The following ENTHD1 variants were observed in gnomAD, a reference collection of about 807,000 sequenced individuals.
The protein encoded by ENTHD1 is ENTH domain containing 1.
Under a neutral mutation model 39.1 loss-of-function variants are expected in ENTHD1, and 23 were observed. The ratio of observed to expected loss-of-function variants is 0.59; its 90% CI spans 0.42 to 0.83. ENTHD1 has a LOEUF of 0.83. Among genes scored for constraint, ENTHD1 ranks in the 40% least tolerant of loss-of-function variants. The probability of loss-of-function intolerance (pLI) is 0.00; values close to 1 mark genes in which losing one functional copy is unlikely to be tolerated. For missense variants in ENTHD1, 624 were observed against 705.4 expected, an observed-to-expected ratio of 0.88 and a Z score of 1.31; for synonymous variants, 230 against 258.2, an observed-to-expected ratio of 0.89 and a Z score of 1.05.
At chr22:39,881,460 T>C (rs1338743119) in intron 2 of ENTHD1, among the ~76,000 whole-genome samples, 1 of 152,242 alleles carries the variant, frequency 6.6e-6, no homozygotes, top group Non-Finnish European at 1.5e-5. Context: ...AAGTAACTTA[T>C]TATTCTCCGA....
At chr22:39,878,526 A>G (rs1255769663) in intron 2 of ENTHD1, among the ~76,000 whole-genome samples, 2 of 152,014 alleles carry the variant, frequency 1.3e-5, no homozygotes, top group Non-Finnish European at 2.9e-5. Flanking sequence ...GAAAGAAACC[A>G]GAGGCAAAAA....
chr22:39,893,484 A>AC, intron 1 of ENTHD1: 1 of 152,342 alleles, frequency 6.6e-6, no homozygotes, highest in Non-Finnish European at 1.5e-5. Context: ...GGAAGGCTGG[A>AC]CCTCAGGAAA....
intron 2 of ENTHD1, chr22:39,875,762 G>T: frequency 6.2e-7 from 1 of 1,613,300 alleles, no homozygotes; most frequent in South Asian, 1.1e-5. Flanking sequence ...CAAGTTATCC[G>T]ATATTCCAGA....
intron 5 of ENTHD1, among the ~76,000 whole-genome samples, chr22:39,806,436 T>C (rs1045203299): frequency 6.6e-6 from 1 of 152,180 alleles, no homozygotes; most frequent in Non-Finnish European, 1.5e-5. Flanking sequence ...GCTCTTCTTT[T>C]AAAAAGCCAT....
chr22:39,865,455 T>C (rs2066174862), intron 2 of ENTHD1, among the ~76,000 whole-genome samples: 1 of 152,038 alleles, frequency 6.6e-6, no homozygotes, highest in Non-Finnish European at 1.5e-5. Flanking sequence ...GTAATAAACC[T>C]GCTTCAAGGA....
rs747738403 is a variant in ENTHD1, at chr22:39,861,801, ACTT to A, written c.553_555del (p.Lys185del). On this transcript the variant is annotated inframe_deletion, in exon 3 of 7. Coordinates refer to ENST00000325157, the MANE Select transcript of ENTHD1 (RefSeq NM_152512.4). The stretch of plus-strand genomic sequence containing the variant: ...AACCTTCCAAACTTAGGAAGCTTAT[ACTT>A]CTTCTCTGAAGCAGAAATATCCGGT... 4 of 1,582,606 alleles carry A rather than the reference ACTT, an allele frequency of 2.5e-6. No individual in the cohort carries two copies. In the South Asian group the frequency reaches 3.5e-5, roughly 14 times the overall value.
intron 5 of ENTHD1, among the ~76,000 whole-genome samples, chr22:39,769,948 G>C (rs2065308762): frequency 6.6e-6 from 1 of 152,160 alleles, no homozygotes; most frequent in African/African-American, 2.4e-5. Context: ...AAAGTTTTAG[G>C]AATTGGGGAC....
At chr22:39,829,462 T>C (rs780285008) in intron 4 of ENTHD1, among the ~76,000 whole-genome samples, 5 of 152,052 alleles carry the variant, frequency 3.3e-5, no homozygotes, top group African/African-American at 4.8e-5. Context: ...TCAAAAGCCA[T>C]CAGCAGAAAA....
intron 2 of ENTHD1, chr22:39,875,369 C>A: frequency 7.2e-7 from 1 of 1,393,448 alleles, no homozygotes. Flanking sequence ...GGGCGCGCTG[C>A]GGCCCTTGGT....
intron 6 of ENTHD1, among the ~76,000 whole-genome samples, chr22:39,764,450 A>G (rs147370758): frequency 6.6e-5 from 10 of 152,264 alleles, no homozygotes; most frequent in African/African-American, 2.4e-4. Context: ...TTGCAACAGA[A>G]CAAGACCCTG....
chr22:39,836,860 T>C (rs1016942598), intron 3 of ENTHD1, among the ~76,000 whole-genome samples: 3 of 152,196 alleles, frequency 2.0e-5, no homozygotes, highest in African/African-American at 7.2e-5. Flanking sequence ...ACATTCTTGC[T>C]TCCCCTTTGC....
chr22:39,771,680 A>T (rs2065326399), intron 5 of ENTHD1, among the ~76,000 whole-genome samples: 1 of 152,202 alleles, frequency 6.6e-6, no homozygotes, highest in South Asian at 2.1e-4. Context: ...AGGATAGCAG[A>T]ATGACACCAT....
chr22:39,811,652 T>G (rs1438062260), intron 5 of ENTHD1, among the ~76,000 whole-genome samples: 1 of 152,200 alleles, frequency 6.6e-6, no homozygotes, highest in Non-Finnish European at 1.5e-5. Flanking sequence ...TGAAACTGGA[T>G]GTACGCAGTA....
intron 5 of ENTHD1, among the ~76,000 whole-genome samples, chr22:39,803,064 T>G (rs1307566454): frequency 1.3e-5 from 2 of 152,170 alleles, no homozygotes; most frequent in Non-Finnish European, 2.9e-5. Context: ...TAAATACAAA[T>G]CAGATTCTAT....
In ENTHD1 at chr22:39,816,219, T is replaced by C. The variant is rs199828716; in HGVS notation, c.832+4774A>G. Among the ~76,000 whole-genome samples, 7 of 152,308 alleles carry C rather than the reference T, an allele frequency of 4.6e-5. No homozygotes were observed. In the East Asian group the frequency reaches 1.3e-3, roughly 29 times the overall value. On this transcript the variant is annotated intron_variant, in intron 5 of 6. Transcript: ENST00000325157. The stretch of plus-strand genomic sequence containing the variant: ...GTTGCCAAAATCATAACATGGAAAT[T>C]AGAACCATCTGTTGACAGGATAAGT...
rs150993947 is a variant in ENTHD1, at chr22:39,876,138, C to A, written c.349+11262G>T. 8.4e-3 allele frequency: 13,076 copies of A among 1,560,444 alleles called. 117 individuals carry two copies. Among genetic ancestry groups the A allele is most frequent in the Non-Finnish European group, 8.0e-3 (9,252 of 1,151,734 alleles). Reference sequence around the variant, plus strand: ...TAGAGACTTGGACTCAAGTCATAGGCTTCTTTCAGTCTTTATGTCACCTCA... The same window carrying A: ...TAGAGACTTGGACTCAAGTCATAGGATTCTTTCAGTCTTTATGTCACCTCA... On this transcript the variant is annotated intron_variant, in intron 2 of 6. Coordinates refer to ENST00000325157, the MANE Select transcript of ENTHD1 (RefSeq NM_152512.4).
chr22:39,800,744 G>A (rs1045646696), intron 5 of ENTHD1, among the ~76,000 whole-genome samples: 1 of 152,168 alleles, frequency 6.6e-6, no homozygotes, highest in Admixed American at 6.5e-5. Flanking sequence ...TTTTTGTTCT[G>A]TTTCGCCCTT....
rs750935622 is a variant in ENTHD1, at chr22:39,861,911, T to C, written c.446A>G (p.Gln149Arg). 1.5e-5 allele frequency: 24 copies of C among 1,602,842 alleles called. No homozygotes were observed. Among genetic ancestry groups the C allele is most frequent in the Middle Eastern group, 1.7e-4 (1 of 6,028 alleles). ...KEREVACRTRQRTSHSILFSK... is the reference protein window; with the variant it reads ...KEREVACRTRRRTSHSILFSK... ...AAACAATATAGAGTGGGAGGTACGC[T>C]GTCTAGTCCGACATGCCACTTCCCT... Residue 149 changes from glutamine to arginine, a missense_variant, in exon 3 of 7, where the codon CAG (glutamine) becomes CGG (arginine). Physicochemically the swap from Gln to Arg is conservative, Grantham distance 43 (BLOSUM62 1). Coordinates refer to ENST00000325157, the MANE Select transcript of ENTHD1 (RefSeq NM_152512.4).
At chr22:39,863,655 T>C (rs1011408734) in intron 2 of ENTHD1, among the ~76,000 whole-genome samples, 8 of 152,232 alleles carry the variant, frequency 5.3e-5, no homozygotes, top group Non-Finnish European at 8.8e-5. Context: ...CTCACAAACA[T>C]GGCTTCCCAA....
Sources: gnomAD v4.1 joint callset for allele counts (sites outside exome capture counted in the v4.1 genomes callset) on GRCh38, gnomAD v4.1.1 for gene constraint, MANE v1.5 for transcripts, NCBI Gene and HGNC (gene_info 2026-07-23, HGNC 2026-07-21) for gene names.